PML: variants seen among roughly 807,000 people sequenced by gnomAD.
PML encodes the protein protein PML.
A neutral mutation model predicts 65.2 loss-of-function variants in PML; 28 were observed. The ratio of observed to expected loss-of-function variants is 0.43; its 90% CI spans 0.32 to 0.59. The LOEUF is 0.59. PML is among the 20% of genes least tolerant of loss of function. The pLI is 0.08. For missense variants in PML, 1,021 were observed against 1,203.4 expected (o/e 0.85, Z 2.24); for synonymous variants, 500 against 508.8 (o/e 0.98, Z 0.23).
intron 1 of PML, among the ~76,000 whole-genome samples, chr15:73,996,153 A>G (rs1025156613): frequency 6.6e-6 from 1 of 152,194 alleles, no homozygotes; most frequent in Non-Finnish European, 1.5e-5. Flanking sequence ...GTAGATTCAC[A>G]ATATTGTGTA....
At chr15:74,020,287 C>CTTT (rs1187914506) in intron 2 of PML, among the ~76,000 whole-genome samples, 7 of 116,278 alleles carry the variant, frequency 6.0e-5, no homozygotes, top group Admixed American at 9.6e-5. Context: ...TGACTTATTC[C>CTTT]TTTTTTTTTT....
At chr15:74,008,726 G>A (rs1305508638) in intron 2 of PML, among the ~76,000 whole-genome samples, 43 of 148,472 alleles carry the variant, frequency 2.9e-4, no homozygotes, top group African/African-American at 1.0e-3. Context: ...GTGACAGAGC[G>A]AGACTGTGTC....
At chr15:74,034,616 G>A in intron 7 of PML, 86 bp downstream of exon 7, 1 of 1,613,920 alleles carries the variant, frequency 6.2e-7, no homozygotes, top group South Asian at 1.1e-5. Context: ...GTGACTCTCA[G>A]ACTTGCCTTG....
chr15:74,039,209 G>T (rs1198380122), intron 7 of PML, among the ~76,000 whole-genome samples: 5 of 152,200 alleles, frequency 3.3e-5, no homozygotes, highest in African/African-American at 1.2e-4. Context: ...CGTGGCACTG[G>T]TGAGTGTGCA....
At chr15:74,019,333 C>A (rs1022883204) in intron 2 of PML, among the ~76,000 whole-genome samples, 1 of 152,254 alleles carries the variant, frequency 6.6e-6, no homozygotes, top group African/African-American at 2.4e-5. Flanking sequence ...CACAGCCCCT[C>A]TCCCCAAGTG....
chr15:74,046,932 G>C lies in PML; in HGVS notation c.*1924G>C, dbSNP rs2071776909. On this transcript the variant is annotated 3_prime_UTR_variant, in exon 9 of 9. Transcript: ENST00000268058. ...GTCTTTTAGGACTTAGCAGAGCTGA[G>C]AGCCCTTTGTTGCTCAATGCTGTGA... The C allele has an allele frequency of 4.3e-6, 1 of 230,138 alleles. No individual in the cohort carries two copies. Among genetic ancestry groups the C allele is most frequent in the Admixed American group, 5.7e-5 (1 of 17,686 alleles). 14.3% of individuals were successfully genotyped at this position (230,138 alleles called of 1,614,324 possible).
intron 2 of PML, among the ~76,000 whole-genome samples, chr15:74,018,524 G>GT (rs545852476): frequency 5.0e-4 from 76 of 151,928 alleles, no homozygotes; most frequent in Admixed American, 1.7e-3. Flanking sequence ...TTTAAAAAAA[G>GT]TTTTTTAGAG....
Position 74,042,003 on chromosome 15 carries a change from G to T in PML, c.1711-986G>T, listed in dbSNP as rs1179790506. Among the ~76,000 whole-genome samples the T allele has an allele frequency of 1.3e-5, 2 of 152,212 alleles. No individual in the cohort carries two copies. The highest frequency in any genetic ancestry group is 2.4e-5 in the African/African-American group (1 of 41,442). The stretch of plus-strand genomic sequence containing the variant: ...CGTCCACAGGTGGCATTCATGGGAG[G>T]TTCCAAGTTGGTCATCAAAGACTAA... On this transcript the variant is annotated intron_variant, in intron 7 of 8. Coordinates refer to ENST00000268058, the MANE Select transcript of PML (RefSeq NM_033238.3). The surrounding 1 kb of genome is among the most constrained non-coding windows in gnomAD (Gnocchi z 5.3).
chr15:73,997,947 G>A lies in PML; in HGVS notation c.130-57G>A, dbSNP rs536849671. On this transcript the variant is annotated intron_variant, in intron 1 of 8. Transcript: ENST00000268058. ...GGTCCAGCTGTAAGGGTGGTTGGCC[G>A]GTAGGTGGGGGCTTTTGGGACTTCT... The A allele has an allele frequency of 1.1e-3, 1,581 of 1,479,570 alleles. 3 individuals carry two copies. The highest frequency in any genetic ancestry group is 1.4e-3 in the Non-Finnish European group (1,478 of 1,060,464). The allele number at this position is 1,479,570 out of a possible 1,614,324, so 91.7% of individuals were successfully genotyped here.
intron 2 of PML, among the ~76,000 whole-genome samples, chr15:74,002,389 T>TTGTGTG (rs34664992): frequency 4.8e-5 from 7 of 146,102 alleles, no homozygotes; most frequent in African/African-American, 1.8e-4. Flanking sequence ...GTTCTAGTGC[T>TTGTGTG]TGTGTGTGTG....
At chr15:74,017,140 A>G (rs2070630047) in intron 2 of PML, among the ~76,000 whole-genome samples, 2 of 152,052 alleles carry the variant, frequency 1.3e-5, no homozygotes, top group Non-Finnish European at 2.9e-5. Context: ...TTATTTCTTC[A>G]GTAATTATAG....
At chr15:74,039,056 T>C (rs1010578440) in intron 7 of PML, among the ~76,000 whole-genome samples, 1 of 152,156 alleles carries the variant, frequency 6.6e-6, no homozygotes, top group East Asian at 1.9e-4. Context: ...CACCCACTCT[T>C]GTGACAGATT....
intron 4 of PML, among the ~76,000 whole-genome samples, chr15:74,030,300 C>T (rs1371954784): frequency 1.3e-5 from 2 of 152,204 alleles, no homozygotes; most frequent in Non-Finnish European, 2.9e-5. Context: ...ATAAAAGACT[C>T]ATCAAGTAAA....
In PML at chr15:74,037,241, C is replaced by G. The variant is rs1028573038; in HGVS notation, c.1710+2711C>G. 3.0e-6 allele frequency: 3 copies of G among 985,296 alleles called. No individual in the cohort carries two copies. The highest frequency in any genetic ancestry group is 1.2e-4 in the Admixed American group (2 of 16,262). The allele number at this position is 985,296 out of a possible 1,614,324, so 61.0% of individuals were successfully genotyped here. On this transcript the variant is annotated intron_variant, in intron 7 of 8. Coordinates refer to ENST00000268058, the MANE Select transcript of PML (RefSeq NM_033238.3). The surrounding 1 kb of genome is among the most constrained non-coding windows in gnomAD (Gnocchi z 4.2). ...TCAGCTGATGGCGGCACCTTCTGCTCCAGGGAGAAAACAGGAGCTCTCCAA... is the reference window on the plus strand; with the variant it reads ...TCAGCTGATGGCGGCACCTTCTGCTGCAGGGAGAAAACAGGAGCTCTCCAA...
chr15:74,010,030 T>C (rs767103105), intron 2 of PML, among the ~76,000 whole-genome samples: 6 of 151,610 alleles, frequency 4.0e-5, no homozygotes, highest in Non-Finnish European at 8.8e-5. Context: ...GTTTTGTTTT[T>C]TTGAGACAGG....
chr15:73,995,114 G>A (rs1208827557), intron 1 of PML, among the ~76,000 whole-genome samples, 173 bp downstream of exon 1: 2 of 152,352 alleles, frequency 1.3e-5, no homozygotes, highest in East Asian at 1.9e-4. Flanking sequence ...GGGAAGGGAG[G>A]GTAGGATAGA....
intron 4 of PML, 87 bp downstream of exon 4, chr15:74,025,014 G>A (rs1595904265): frequency 3.4e-6 from 3 of 882,958 alleles, no homozygotes; most frequent in Non-Finnish European, 5.8e-6. Context: ...GTGTGTGCAG[G>A]GAGAGCGTCT....
intron 2 of PML, among the ~76,000 whole-genome samples, chr15:73,999,675 A>G (rs1466359714): frequency 6.6e-6 from 1 of 152,058 alleles, no homozygotes; most frequent in Non-Finnish European, 1.5e-5. Context: ...TCAGGAACAA[A>G]TTCCTCGAAA....
At chr15:74,019,387 T>C (rs2070737267) in intron 2 of PML, among the ~76,000 whole-genome samples, 1 of 152,272 alleles carries the variant, frequency 6.6e-6, no homozygotes, top group African/African-American at 2.4e-5. Context: ...TCTTATTCTC[T>C]TCCCTTTATT....
Sources: allele counts gnomAD v4.1 joint callset (sites outside exome capture counted in the v4.1 genomes callset), GRCh38; gene constraint gnomAD v4.1.1; non-coding constraint Gnocchi (gnomAD v3.1); transcripts MANE v1.5; gene names NCBI Gene and HGNC (gene_info 2026-07-23, HGNC 2026-07-21).